RBFOX1: variants seen among roughly 807,000 people sequenced by gnomAD.
The protein encoded by RBFOX1 is RNA binding fox-1 homolog 1.
A neutral mutation model predicts 57.7 loss-of-function variants in RBFOX1; 8 were observed. That is an observed-to-expected ratio of 0.14 (90% CI 0.08 to 0.25). RBFOX1 has a LOEUF of 0.25. Among genes scored for constraint, RBFOX1 ranks in the 10% least tolerant of loss-of-function variants. The probability of loss-of-function intolerance (pLI) is 1.00; values close to 1 mark genes in which losing one functional copy is unlikely to be tolerated. For missense variants in RBFOX1, 611 were observed against 548.5 expected, an observed-to-expected ratio of 1.11 and a Z score of -1.14; for synonymous variants, 326 against 222.4, an observed-to-expected ratio of 1.47 and a Z score of -4.15.
intron 14 of RBFOX1, 73 bp downstream of exon 14, chr16:7,676,911 A>G: frequency 7.6e-6 from 11 of 1,452,032 alleles, no homozygotes; most frequent in Non-Finnish European, 1.1e-5. Context: ...AGATTCTTGT[A>G]TGGTCTTGGT....
At chr16:7,129,719 C>T (rs940202174) in intron 4 of RBFOX1, among the ~76,000 whole-genome samples, 5 of 151,804 alleles carry the variant, frequency 3.3e-5, no homozygotes, top group Non-Finnish European at 7.4e-5. Flanking sequence ...GCCCCCAAAT[C>T]GGGTTGTGTG....
At chr16:5,929,030 A>G (rs1200042407) in intron 4 of RBFOX1, among the ~76,000 whole-genome samples, 4 of 130,246 alleles carry the variant, frequency 3.1e-5, no homozygotes, top group East Asian at 3.9e-4. Flanking sequence ...CTTCTTTCCA[A>G]TTTAAAAAAA....
At chr16:7,552,938 C>G (rs1289995217) in intron 5 of RBFOX1, among the ~76,000 whole-genome samples, 1 of 152,122 alleles carries the variant, frequency 6.6e-6, no homozygotes, top group South Asian at 2.1e-4. Context: ...CCGCCTCGGA[C>G]TCCCAAAGCA....
rs112183786 is a variant in RBFOX1 at position 6,639,276 on chromosome 16, A to G, written c.-63-15327A>G. Among the ~76,000 whole-genome samples, 49 of 152,244 alleles carry G rather than the reference A, an allele frequency of 3.2e-4. 1 individual carries two copies. Among genetic ancestry groups the G allele is most frequent in the East Asian group, 1.7e-3 (9 of 5,166 alleles). Reference sequence around the variant, plus strand: ...AATCTGATGTCTTTCTGTCTATCTGATTCCTAAGAGGAAGTGAAATATTCA... The same window carrying G: ...AATCTGATGTCTTTCTGTCTATCTGGTTCCTAAGAGGAAGTGAAATATTCA... On this transcript the variant is annotated intron_variant, in intron 2 of 15. Transcript: ENST00000550418.
intron 14 of RBFOX1, chr16:7,693,306 C>G (rs773912243): frequency 6.2e-7 from 1 of 1,612,878 alleles, no homozygotes; most frequent in African/African-American, 1.3e-5. Flanking sequence ...ATTTTATCTT[C>G]TCTTCCAGAA....
intron 3 of RBFOX1, among the ~76,000 whole-genome samples, chr16:7,039,336 C>G (rs1597723202): frequency 1.3e-5 from 2 of 152,152 alleles, no homozygotes; most frequent in South Asian, 4.1e-4. Flanking sequence ...CCTTTCAAAA[C>G]CAGACAAGAT....
At chr16:6,227,829 C>G (rs2097429289) in intron 1 of RBFOX1, among the ~76,000 whole-genome samples, 2 of 152,164 alleles carry the variant, frequency 1.3e-5, no homozygotes, top group Admixed American at 1.3e-4. Context: ...CAGGTACACA[C>G]AAATCTTTTG....
At chr16:5,888,495 T>TA (rs999839845) in intron 4 of RBFOX1, among the ~76,000 whole-genome samples, 6 of 151,844 alleles carry the variant, frequency 4.0e-5, no homozygotes, top group East Asian at 1.9e-4. Flanking sequence ...GCCAAACACT[T>TA]AAAAAAAATA....
chr16:7,119,877 C>G (rs778251636), intron 4 of RBFOX1, among the ~76,000 whole-genome samples: 5 of 152,056 alleles, frequency 3.3e-5, no homozygotes, highest in Non-Finnish European at 7.4e-5. Context: ...GTAATCAACA[C>G]CATCCAACAG....
At chr16:7,421,866 C>T (rs949041918) in intron 4 of RBFOX1, among the ~76,000 whole-genome samples, 2 of 152,182 alleles carry the variant, frequency 1.3e-5, no homozygotes, top group African/African-American at 2.4e-5. Context: ...TTCATTTCTT[C>T]AGCCTTTTTG....
chr16:6,219,058 G>C (rs562382370), intron 1 of RBFOX1, among the ~76,000 whole-genome samples: 3 of 152,308 alleles, frequency 2.0e-5, no homozygotes, highest in Non-Finnish European at 4.4e-5. Flanking sequence ...TATTTATCTT[G>C]AGATACCGAG....
chr16:6,623,443 CTT>C (rs57896155), intron 2 of RBFOX1, among the ~76,000 whole-genome samples: 31,893 of 149,170 alleles, frequency 0.21, 3,599 homozygotes, highest in Admixed American at 0.28. Context: ...GGTGAAAATT[CTT>C]TTTTTTTTTT....
intron 1 of RBFOX1, among the ~76,000 whole-genome samples, chr16:6,133,168 T>C (rs59096979): frequency 0.054 from 8,273 of 152,122 alleles, 310 homozygotes; most frequent in East Asian, 0.2. Context: ...CTCAATTCTC[T>C]TGGGGCTCTC....
chr16:6,807,853 A>T (rs1351840024), intron 3 of RBFOX1, among the ~76,000 whole-genome samples: 6 of 151,214 alleles, frequency 4.0e-5, no homozygotes, highest in Non-Finnish European at 8.8e-5. Flanking sequence ...TCTATTGAAT[A>T]TGTATGTTAG....
intron 2 of RBFOX1, among the ~76,000 whole-genome samples, chr16:5,493,778 C>T (rs991199156): frequency 6.6e-6 from 1 of 152,192 alleles, no homozygotes; most frequent in Non-Finnish European, 1.5e-5. Context: ...CCATCAGAGA[C>T]CTTGAACGCA....
At chr16:6,676,142 GCACACACA>G (rs59806354) in intron 3 of RBFOX1, among the ~76,000 whole-genome samples, 2,527 of 145,760 alleles carry the variant, frequency 0.017, 51 homozygotes, top group East Asian at 0.059. Flanking sequence ...ACACACACGC[GCACACACA>G]CACACACACA....
chr16:6,296,266 G>T (rs973193153), intron 1 of RBFOX1, among the ~76,000 whole-genome samples: 4 of 152,134 alleles, frequency 2.6e-5, no homozygotes, highest in Admixed American at 2.0e-4. Flanking sequence ...AGAAGAAAGG[G>T]GATAAACATT....
At chr16:7,090,654 C>G (rs761327449) in intron 4 of RBFOX1, among the ~76,000 whole-genome samples, 3 of 151,834 alleles carry the variant, frequency 2.0e-5, no homozygotes, top group East Asian at 1.9e-4. Flanking sequence ...TTTATTTTCC[C>G]TGAGTGAGTA....
At chr16:6,720,687 G>C (rs944422925) in intron 3 of RBFOX1, among the ~76,000 whole-genome samples, 1 of 152,204 alleles carries the variant, frequency 6.6e-6, no homozygotes, top group Admixed American at 6.5e-5. Flanking sequence ...GGAAGAGCTA[G>C]AGAGACCAGG....
Sources: allele counts gnomAD v4.1 joint callset (sites outside exome capture counted in the v4.1 genomes callset), GRCh38; gene constraint gnomAD v4.1.1; transcripts MANE v1.5; gene names NCBI Gene and HGNC (gene_info 2026-07-23, HGNC 2026-07-21).